The following KCNH7 variants were observed in gnomAD, a reference collection of about 807,000 sequenced individuals.
The protein encoded by KCNH7 is voltage-gated inwardly rectifying potassium channel KCNH7.
A neutral mutation model predicts 120.8 loss-of-function variants in KCNH7; 49 were observed. The observed-to-expected ratio is 0.41, with a 90% CI of 0.32 to 0.51. The LOEUF is 0.51. Among genes scored for constraint, KCNH7 ranks in the 20% least tolerant of loss-of-function variants. KCNH7 has a pLI of 0.38. For synonymous variants in KCNH7, 547 were observed against 516.1 expected (o/e 1.06, Z -0.81); for missense variants, 1,097 against 1,446.6 (o/e 0.76, Z 3.92).
At chr2:162,825,911 T>G (rs957726652) in intron 2 of KCNH7, among the ~76,000 whole-genome samples, 4 of 152,144 alleles carry the variant, frequency 2.6e-5, no homozygotes, top group Admixed American at 2.6e-4. Flanking sequence ...CTACAAGCCA[T>G]CATTGTAACA....
chr2:162,476,415 C>T (rs1444520540), intron 6 of KCNH7, among the ~76,000 whole-genome samples: 1 of 152,134 alleles, frequency 6.6e-6, no homozygotes, highest in East Asian at 1.9e-4. Context: ...AACTCATTAT[C>T]CTGAAACTAT....
intron 2 of KCNH7, among the ~76,000 whole-genome samples, chr2:162,723,375 T>C (rs537269345): frequency 1.3e-5 from 2 of 152,206 alleles, no homozygotes; most frequent in African/African-American, 4.8e-5. Context: ...ACATTGCCAA[T>C]TGAAGGGATA....
intron 2 of KCNH7, among the ~76,000 whole-genome samples, chr2:162,763,477 TC>T (rs1345137942): frequency 6.6e-6 from 1 of 152,138 alleles, no homozygotes; most frequent in African/African-American, 2.4e-5. Context: ...ACAGTGTGCT[TC>T]TTTCTAGTTT....
chr2:162,695,430 T>C (rs1428728116), intron 2 of KCNH7, among the ~76,000 whole-genome samples: 1 of 152,042 alleles, frequency 6.6e-6, no homozygotes, highest in Non-Finnish European at 1.5e-5. Context: ...ATAGACAACA[T>C]TTGCAACAAA....
At chr2:162,588,696 T>G (rs893060388) in intron 2 of KCNH7, among the ~76,000 whole-genome samples, 13 of 152,128 alleles carry the variant, frequency 8.5e-5, no homozygotes, top group African/African-American at 3.1e-4. Context: ...AGTAATTATC[T>G]GTCATCTCAA....
At chr2:162,478,615 C>A (rs958473418) in intron 6 of KCNH7, among the ~76,000 whole-genome samples, 2 of 152,086 alleles carry the variant, frequency 1.3e-5, no homozygotes, top group Non-Finnish European at 2.9e-5. Context: ...AGGGACCGCA[C>A]AAAATGATTT....
chr2:162,589,197 G>T (rs1290451302), intron 2 of KCNH7, among the ~76,000 whole-genome samples: 2 of 152,038 alleles, frequency 1.3e-5, no homozygotes, highest in Non-Finnish European at 2.9e-5. Context: ...TTTGTAGACC[G>T]AACGACTCCC....
intron 8 of KCNH7, among the ~76,000 whole-genome samples, chr2:162,434,276 G>A (rs1252602226): frequency 6.6e-6 from 1 of 151,994 alleles, no homozygotes; most frequent in African/African-American, 2.4e-5. Context: ...TACCTATTGG[G>A]TACTATGCTC....
At chr2:162,500,789 T>C (rs1690661352) in intron 6 of KCNH7, among the ~76,000 whole-genome samples, 1 of 152,054 alleles carries the variant, frequency 6.6e-6, no homozygotes, top group Non-Finnish European at 1.5e-5. Context: ...AGCAAACATG[T>C]TGAAAATTTC....
At chr2:162,619,152 A>T (rs1683250830) in intron 2 of KCNH7, among the ~76,000 whole-genome samples, 1 of 152,114 alleles carries the variant, frequency 6.6e-6, no homozygotes, top group Non-Finnish European at 1.5e-5. Flanking sequence ...GTGCTAGGCT[A>T]TTCAGCCACT....
chr2:162,780,684 C>T (rs532318873), intron 2 of KCNH7, among the ~76,000 whole-genome samples: 1 of 152,202 alleles, frequency 6.6e-6, no homozygotes, highest in South Asian at 2.1e-4. Flanking sequence ...CCATGTCTAA[C>T]CTTATGTAAA....
chr2:162,585,487 A>G (rs578188310), intron 2 of KCNH7, among the ~76,000 whole-genome samples: 1 of 152,198 alleles, frequency 6.6e-6, no homozygotes, highest in African/African-American at 2.4e-5. Flanking sequence ...TAAAGACCTA[A>G]TCTTTCCAAA....
At chr2:162,489,335 A>C (rs1430949782) in intron 6 of KCNH7, among the ~76,000 whole-genome samples, 1 of 152,156 alleles carries the variant, frequency 6.6e-6, no homozygotes, top group Non-Finnish European at 1.5e-5. Context: ...GTTTTGGGCC[A>C]CACATTAAGT....
At chr2:162,708,468 T>C (rs1270673942) in intron 2 of KCNH7, among the ~76,000 whole-genome samples, 2 of 152,074 alleles carry the variant, frequency 1.3e-5, no homozygotes, top group Admixed American at 1.3e-4. Context: ...GAGCAATTAG[T>C]TTCCTCTCTA....
chr2:162,716,780 G>T (rs1159756499), intron 2 of KCNH7, among the ~76,000 whole-genome samples: 2 of 151,992 alleles, frequency 1.3e-5, no homozygotes, highest in Non-Finnish European at 2.9e-5. Context: ...CATAAAATAT[G>T]ATCAAACATT....
chr2:162,827,685 T>C (rs960671236), intron 2 of KCNH7, among the ~76,000 whole-genome samples: 1 of 152,138 alleles, frequency 6.6e-6, no homozygotes, highest in Non-Finnish European at 1.5e-5. Context: ...ATAGAGTAGG[T>C]TGAGGTTTAA....
At chr2:162,565,853 CT>C (rs1363093133) in intron 2 of KCNH7, among the ~76,000 whole-genome samples, 4 of 152,116 alleles carry the variant, frequency 2.6e-5, no homozygotes, top group African/African-American at 9.6e-5. Context: ...CAAATATTAA[CT>C]TTACTTTGAA....
chr2:162,816,597 A>G (rs777956730), intron 2 of KCNH7, among the ~76,000 whole-genome samples: 60 of 152,192 alleles, frequency 3.9e-4, no homozygotes, highest in Non-Finnish European at 7.2e-4. Flanking sequence ...TAGTTTAGAT[A>G]TAGTTTTAAG....
At chr2:162,762,800 A>G (rs766252872) in intron 2 of KCNH7, among the ~76,000 whole-genome samples, 16 of 152,114 alleles carry the variant, frequency 1.1e-4, no homozygotes, top group Non-Finnish European at 2.4e-4. Context: ...AAAGTTATAT[A>G]AATAATGTAA....
Sources: allele counts gnomAD v4.1 joint callset (sites outside exome capture counted in the v4.1 genomes callset), GRCh38; gene constraint gnomAD v4.1.1; transcripts MANE v1.5; gene names NCBI Gene and HGNC (gene_info 2026-07-23, HGNC 2026-07-21).